Variants in DNAH11 observed in about 807,000 individuals in gnomAD.
DNAH11 encodes dynein axonemal heavy chain 11.
DNAH11 carries 442 observed loss-of-function variants against 526.0 expected under a neutral mutation model. The ratio of observed to expected loss-of-function variants is 0.84; its 90% CI spans 0.78 to 0.91. DNAH11 has a LOEUF of 0.91. Ranked by LOEUF, DNAH11 falls within the 40% of genes least tolerant of loss-of-function variation. DNAH11 has a pLI of 0.00. For missense variants in DNAH11, 6,989 were observed against 5,448.7 expected (o/e 1.28, Z -8.90); for synonymous variants, 2,461 against 1,935.9 (o/e 1.27, Z -7.12).
intron 25 of DNAH11, among the ~76,000 whole-genome samples, chr7:21,628,336 A>C (rs1343250639): frequency 6.6e-6 from 1 of 152,140 alleles, no homozygotes; most frequent in East Asian, 1.9e-4. Context: ...TATTGAATAC[A>C]AAGAGTGAAA....
intron 71 of DNAH11, among the ~76,000 whole-genome samples, chr7:21,867,607 G>A (rs1783330261): frequency 6.6e-6 from 1 of 152,158 alleles, no homozygotes; most frequent in Non-Finnish European, 1.5e-5. Context: ...ATGGCACTCA[G>A]GGGGGTCTCA....
chr7:21,851,372 C>A, intron 66 of DNAH11: 2 of 300,454 alleles, frequency 6.7e-6, no homozygotes, highest in South Asian at 6.4e-5. Flanking sequence ...TCAATTAAAT[C>A]TCTTTTCTTT....
In DNAH11 at chr7:21,711,775, A is replaced by G. The variant is rs767273694; in HGVS notation, c.6898A>G (p.Ile2300Val). ...TCCCTTCATGAGGCTTCTGTTTGAG[A>G]TACATCACTTAAGGAGCGCAACCCC... ...LTPFMRLLFE[I>V]HHLRSATPAT... Residue 2300 changes from isoleucine (I) to valine (V), a missense_variant, in exon 42 of 82, where the codon ATA becomes GTA. Physicochemically the swap from Ile to Val is conservative, Grantham distance 29 (BLOSUM62 3). Coordinates refer to ENST00000409508, the MANE Select transcript of DNAH11 (RefSeq NM_001277115.2). 1 of 1,613,862 alleles carries G rather than the reference A, an allele frequency of 6.2e-7. No individual in the cohort carries two copies. Among genetic ancestry groups the G allele is most frequent in the Non-Finnish European group, 8.5e-7 (1 of 1,179,832 alleles).
In DNAH11 at chr7:21,680,788, G is replaced by C. The variant is rs1966734; in HGVS notation, c.5329-758G>C. 0.013 allele frequency among the ~76,000 whole-genome samples: 1,941 copies of C among 152,266 alleles called. 180 individuals are homozygous for C. In the East Asian group the frequency reaches 0.26, roughly 20 times the overall value. The stretch of plus-strand genomic sequence containing the variant: ...TCTCTTAATTTTAAATATTTTTTCA[G>C]TAGTCATCACTATCTTGTATTTTTA... On this transcript the variant is annotated intron_variant, in intron 30 of 81. Coordinates refer to ENST00000409508, the MANE Select transcript of DNAH11 (RefSeq NM_001277115.2).
chr7:21,661,984 A>G (rs1782259917), intron 30 of DNAH11, among the ~76,000 whole-genome samples: 1 of 151,876 alleles, frequency 6.6e-6, no homozygotes, highest in African/African-American at 2.4e-5. Context: ...ATGCCCAGCT[A>G]ATTTTTGTGT....
At chr7:21,856,154 CA>C (rs1261747775) in intron 68 of DNAH11, among the ~76,000 whole-genome samples, 1 of 152,088 alleles carries the variant, frequency 6.6e-6, no homozygotes, top group African/African-American at 2.4e-5. Context: ...CTGAATCACG[CA>C]GAGTTTTGTA....
chr7:21,862,114 A>G (rs1322728967), intron 69 of DNAH11, 91 bp downstream of exon 69: 3 of 1,247,006 alleles, frequency 2.4e-6, no homozygotes, highest in South Asian at 1.7e-5. Context: ...GAAGCAAAAT[A>G]TAATAGACTT....
At chr7:21,707,552 C>T (rs2128480106) in intron 39 of DNAH11, 147 bp from the exon 40 acceptor site, 1 of 952,120 alleles carries the variant, frequency 1.1e-6, no homozygotes, top group Middle Eastern at 2.5e-4. Flanking sequence ...GGAATGCACA[C>T]ATGTGCATTT....
rs776168146 is a variant in DNAH11 at position 21,808,042 on chromosome 7, A to G, written c.10325A>G (p.Gln3442Arg). Residue 3442 changes from glutamine to arginine, a missense_variant, in exon 63 of 82, where the codon CAA becomes CGA. Gln to Arg is a conservative substitution (Grantham distance 43). Transcript: ENST00000409508. Reference protein sequence around the residue: ...LVHCKWVPFLQQKVSIPLTEG... With the variant: ...LVHCKWVPFLRQKVSIPLTEG... ...CACTGCAAGTGGGTTCCCTTTCTTC[A>G]ACAGAAGGTAAGTTCAGTTCCTTAC... 6.5e-7 allele frequency: 1 copy of G among 1,531,890 alleles called. No homozygotes were observed. The highest frequency in any genetic ancestry group is 8.9e-7 in the Non-Finnish European group (1 of 1,126,578). 94.9% of individuals were successfully genotyped at this position (1,531,890 alleles called of 1,614,324 possible).
intron 7 of DNAH11, 113 bp from the exon 8 acceptor site, chr7:21,571,693 T>G (rs1377105834): frequency 1.7e-5 from 12 of 721,562 alleles, no homozygotes; most frequent in Non-Finnish European, 2.5e-5. Flanking sequence ...TTTCTGTCAT[T>G]TTCTGTCATT....
rs73682679 is a variant in DNAH11, at chr7:21,717,998, A to T, written c.7134+73A>T. 0.01 allele frequency: 15,624 copies of T among 1,512,240 alleles called. 389 individuals carry two copies. Among genetic ancestry groups the T allele is most frequent in the African/African-American group, 0.094 (6,716 of 71,664 alleles). The allele number at this position is 1,512,240 out of a possible 1,614,324, so 93.7% of individuals were successfully genotyped here. On this transcript the variant is annotated intron_variant, in intron 43 of 81. Coordinates refer to ENST00000409508, the MANE Select transcript of DNAH11 (RefSeq NM_001277115.2). ...TGTTTGTTGATCAAGACAACAGAAGATCTTGCCTTGCCCAAGAAAGTGAGA... is the reference window on the plus strand; with the variant it reads ...TGTTTGTTGATCAAGACAACAGAAGTTCTTGCCTTGCCCAAGAAAGTGAGA...
At chr7:21,854,530 T>C in intron 68 of DNAH11, 75 bp downstream of exon 68, 1 of 1,368,468 alleles carries the variant, frequency 7.3e-7, no homozygotes, top group South Asian at 1.4e-5. Flanking sequence ...GAATTTATTT[T>C]ATTATTGATA....
Position 21,619,901 on chromosome 7 carries a change from A to G in DNAH11, c.4378-55A>G, listed in dbSNP as rs1785957204. ...AAAAATTAATTCCAGATAATAGTCT[A>G]CATATTGATTATCAATTAAATTTTG... On this transcript the variant is annotated intron_variant, in intron 24 of 81. Coordinates refer to ENST00000409508, the MANE Select transcript of DNAH11 (RefSeq NM_001277115.2). The G allele has an allele frequency of 6.7e-6, 10 of 1,487,448 alleles. No homozygotes were observed. The Admixed American group carries it at 1.9e-4, about 28-fold the overall frequency. The allele number at this position is 1,487,448 out of a possible 1,614,324, so 92.1% of individuals were successfully genotyped here. A position where few individuals can be genotyped will look rare whatever the true frequency, so the allele number is the denominator to read the frequency against.
At position 21,591,010 on chromosome 7, in the gene DNAH11, C is replaced by A. The variant is rs762648299; in HGVS notation, c.2262C>A (p.Asn754Lys). ...CTTTAGCCATCTTCAAGAAAAGGAA[C>A]ACTATTTTAAAGGTTTGTGATTTTT... ...DSALAIFKKR[N>K]TILKYIGNLD... The change falls in exon 13 of 82, where the codon AAC becomes AAA. Residue 754 changes from asparagine to lysine, a missense_variant. By Grantham distance (94) the Asn-to-Lys change is moderately conservative. Transcript: ENST00000409508. 6.6e-7 allele frequency: 1 copy of A among 1,508,064 alleles called. No individual in the cohort carries two copies. The highest frequency in any genetic ancestry group is 1.4e-5 in the South Asian group (1 of 69,302). 93.4% of individuals were successfully genotyped at this position (1,508,064 alleles called of 1,614,324 possible).
intron 4 of DNAH11, among the ~76,000 whole-genome samples, chr7:21,560,259 A>G (rs1042899412): frequency 4.6e-5 from 7 of 152,184 alleles, no homozygotes; most frequent in African/African-American, 1.7e-4. Flanking sequence ...GAAATTTTAT[A>G]TGGAAAAATT....
At chr7:21,558,518 A>G (rs141066542) in intron 2 of DNAH11, among the ~76,000 whole-genome samples, 4 of 152,352 alleles carry the variant, frequency 2.6e-5, no homozygotes, top group African/African-American at 9.6e-5. Flanking sequence ...CCTACTTGAC[A>G]TAGCTGCTTA....
At position 21,655,825 on chromosome 7, in the gene DNAH11, AT is replaced by A; in HGVS notation, c.4945-3del. Reference sequence around the variant, plus strand: ...TGTTCTTATCTTTTCTAATATTCTCATTTTAGGTAACATGTCACCTTGCCAA... The same window carrying A: ...TGTTCTTATCTTTTCTAATATTCTCATTTAGGTAACATGTCACCTTGCCAA... On this transcript the variant is annotated splice_polypyrimidine_tract_variant and splice_region_variant and intron_variant, in intron 28 of 81. Transcript: ENST00000409508. 6.2e-7 allele frequency: 1 copy of A among 1,610,962 alleles called. No individual in the cohort carries two copies. Among genetic ancestry groups the A allele is most frequent in the Non-Finnish European group, 8.5e-7 (1 of 1,178,118 alleles).
Position 21,894,954 on chromosome 7 carries a change from C to A in DNAH11, c.13004C>A (p.Thr4335Asn). 1 of 1,614,034 alleles carries A rather than the reference C, an allele frequency of 6.2e-7. No homozygotes were observed. Among genetic ancestry groups the A allele is most frequent in the Non-Finnish European group, 8.5e-7 (1 of 1,179,900 alleles). Residue 4335 changes from threonine to asparagine, a missense_variant, in exon 79 of 82, where the codon ACT becomes AAT. Physicochemically the swap from Thr to Asn is moderately conservative, Grantham distance 65 (BLOSUM62 0). Coordinates refer to ENST00000409508, the MANE Select transcript of DNAH11 (RefSeq NM_001277115.2). ...TTGAGTTATGACACGGTACCAGACA[C>A]TTGGAGCAAACTGGCTTATCCTTCT... ...FALSYDTVPD[T>N]WSKLAYPSTY...
chr7:21,779,089 T>G lies in DNAH11; in HGVS notation c.9468T>G (p.Asp3156Glu), dbSNP rs201207627. 3.1e-6 allele frequency: 5 copies of G among 1,612,572 alleles called. No homozygotes were observed. ...EKVSREKTIA[D>E]AEERKVTAIQ... ...TGAGCCGGGAAAAGACCATCGCTGA[T>G]GCTGAGGAGCGAAAGGTCAGGCTAA... Residue 3156 changes from aspartate (D) to glutamate (E), a missense_variant, in exon 57 of 82, where the codon GAT becomes GAG. Asp to Glu is a conservative substitution (Grantham distance 45). Transcript: ENST00000409508.
Sources: gnomAD v4.1 joint callset for allele counts (sites outside exome capture counted in the v4.1 genomes callset) on GRCh38, gnomAD v4.1.1 for gene constraint, MANE v1.5 for transcripts, NCBI Gene and HGNC (gene_info 2026-07-23, HGNC 2026-07-21) for gene names.